The following MLLT1 variants were observed in gnomAD, a reference collection of about 807,000 sequenced individuals.
The protein encoded by MLLT1 is protein ENL.
In MLLT1, 11 loss-of-function variants were observed where a neutral mutation model predicts 55.1. The ratio of observed to expected loss-of-function variants is 0.20; its 90% CI spans 0.13 to 0.33. The LOEUF (loss-of-function observed/expected upper bound fraction) is 0.33. MLLT1 is among the 10% of genes least tolerant of loss of function. MLLT1 has a pLI of 1.00. For missense variants in MLLT1, 536 were observed against 760.6 expected (o/e 0.70, Z 3.47); for synonymous variants, 323 against 320.1 (o/e 1.01, Z -0.10).
Position 6,227,674 on chromosome 19 carries a change from G to T in MLLT1, c.421-572C>A, listed in dbSNP as rs1235390302. ...GCAGACGACCTGTGCCTACTGGGGGGGTCTCTCTGCAAAGCAGGCCCGAGT... is the reference window on the plus strand; with the variant it reads ...GCAGACGACCTGTGCCTACTGGGGGTGTCTCTCTGCAAAGCAGGCCCGAGT... On this transcript the variant is annotated intron_variant, in intron 4 of 11. Coordinates refer to ENST00000252674, the MANE Select transcript of MLLT1 (RefSeq NM_005934.4). The surrounding 1 kb of genome is among the most constrained non-coding windows in gnomAD (Gnocchi z 5.1). Among the ~76,000 whole-genome samples, 1 of 152,180 alleles carries T rather than the reference G, an allele frequency of 6.6e-6. No homozygotes were observed. Among genetic ancestry groups the T allele is most frequent in the African/African-American group, 2.4e-5 (1 of 41,444 alleles).
rs1055469837 is a variant in MLLT1 at position 6,279,524 on chromosome 19, G to T, written c.12+249C>A. On this transcript the variant is annotated intron_variant, in intron 1 of 11. Transcript: ENST00000252674. The stretch of plus-strand genomic sequence containing the variant: ...GGGGGTCTCCGAGCCAGGCTGGGGG[G>T]TCACCAGGGGCGTCCCAAGGGGCTC... 2.0e-5 allele frequency among the ~76,000 whole-genome samples: 3 copies of T among 152,068 alleles called. No individual in the cohort carries two copies. The East Asian group carries it at 5.8e-4, about 30-fold the overall frequency.
chr19:6,241,024 G>C (rs758159326), intron 3 of MLLT1, among the ~76,000 whole-genome samples: 1 of 152,186 alleles, frequency 6.6e-6, no homozygotes, highest in Non-Finnish European at 1.5e-5. Context: ...CCTGTAAAAT[G>C]GCAGTTTGAA....
rs529395413 is a variant in MLLT1, at chr19:6,211,418, T to C, written c.*1624A>G. The C allele has an allele frequency of 6.7e-5, 17 of 255,284 alleles. No homozygotes were observed. Among genetic ancestry groups the C allele is most frequent in the African/African-American group, 2.2e-4 (10 of 45,468 alleles). The allele number at this position is 255,284 out of a possible 1,614,324, so 15.8% of individuals were successfully genotyped here. On this transcript the variant is annotated 3_prime_UTR_variant, in exon 12 of 12. Coordinates refer to ENST00000252674, the MANE Select transcript of MLLT1 (RefSeq NM_005934.4). This position sits in a 1 kb window ranked among gnomAD's most constrained non-coding sequence, Gnocchi z 4.6. ...GGGAGTTTCCCCAGGACAGCTGGCA[T>C]TGGGGGCAGCCTTGGAGGCATGGGT...
chr19:6,270,695 T>A lies in MLLT1; in HGVS notation c.77A>T (p.Glu26Val). The A allele has an allele frequency of 6.2e-7, 1 of 1,614,058 alleles. No homozygotes were observed. Among genetic ancestry groups the A allele is most frequent in the Non-Finnish European group, 8.5e-7 (1 of 1,179,968 alleles). ...CACCATCCAGTCGTGAGTGAACCCCTCCGTGGTGGGCTTCTTGCGCAGTTG... is the reference window on the plus strand; with the variant it reads ...CACCATCCAGTCGTGAGTGAACCCCACCGTGGTGGGCTTCTTGCGCAGTTG... ...RAQLRKKPTT[E>V]GFTHDWMVFV... is the part of the protein sequence containing the mutation. The change falls in exon 2 of 12, where the codon GAG becomes GTG. Residue 26 changes from glutamate (E) to valine (V), a missense_variant. By Grantham distance (121) the Glu-to-Val change is moderately radical. This residue lies in a region of MLLT1 where 62 missense variants were observed against 195.8 expected (regional missense o/e 0.32). Coordinates refer to ENST00000252674, the MANE Select transcript of MLLT1 (RefSeq NM_005934.4). This position sits in a 1 kb window ranked among gnomAD's most constrained non-coding sequence, Gnocchi z 7.1.
rs1392627061 is a variant in MLLT1 at position 6,256,031 on chromosome 19, T to C, written c.276+6197A>G. 4.0e-5 allele frequency among the ~76,000 whole-genome samples: 6 copies of C among 151,744 alleles called. No individual in the cohort carries two copies. The highest frequency in any genetic ancestry group is 1.5e-5 in the Non-Finnish European group (1 of 67,950). ...GTCAGTTCGAGACCAGCCTGGCCAA[T>C]GTGGTGAAACCCCATCTCTACTAAA... On this transcript the variant is annotated intron_variant, in intron 3 of 11. Coordinates refer to ENST00000252674, the MANE Select transcript of MLLT1 (RefSeq NM_005934.4). The surrounding 1 kb of genome is among the most constrained non-coding windows in gnomAD (Gnocchi z 4.1).
intron 3 of MLLT1, among the ~76,000 whole-genome samples, chr19:6,258,246 C>A (rs1209467582): frequency 6.7e-6 from 1 of 149,628 alleles, no homozygotes; most frequent in Non-Finnish European, 1.5e-5. Context: ...ACAGCCCAAA[C>A]GTCTATCCAC....
intron 3 of MLLT1, among the ~76,000 whole-genome samples, chr19:6,236,948 C>T (rs1240999090): frequency 2.0e-5 from 3 of 152,228 alleles, no homozygotes; most frequent in Admixed American, 6.5e-5. Flanking sequence ...GGCCAGGTCG[C>T]GAGCAGCTCC....
At chr19:6,249,626 G>C (rs1192981978) in intron 3 of MLLT1, among the ~76,000 whole-genome samples, 2 of 152,200 alleles carry the variant, frequency 1.3e-5, no homozygotes, top group African/African-American at 4.8e-5. Flanking sequence ...ATCCCCCCTT[G>C]AAGAGCTGGA....
intron 9 of MLLT1, 35 bp downstream of exon 9, chr19:6,213,904 C>T: frequency 2.0e-6 from 3 of 1,488,606 alleles, no homozygotes; most frequent in Non-Finnish European, 2.7e-6. Flanking sequence ...AGCCCGGCCT[C>T]TGGTGCACCC....
Position 6,278,205 on chromosome 19 carries a change from T to C in MLLT1, c.12+1568A>G, listed in dbSNP as rs149234687. On this transcript the variant is annotated intron_variant, in intron 1 of 11. Transcript: ENST00000252674. Reference sequence around the variant, plus strand: ...CCCCACAGCCCCACAACACCTTTCCTGGCCTGGTGCCCCTGAAAGCCAGGG... The same window carrying C: ...CCCCACAGCCCCACAACACCTTTCCCGGCCTGGTGCCCCTGAAAGCCAGGG... 9.2e-3 allele frequency among the ~76,000 whole-genome samples: 1,402 copies of C among 152,258 alleles called. 11 individuals are homozygous for C. The highest frequency in any genetic ancestry group is 0.015 in the Non-Finnish European group (1,038 of 68,012).
At chr19:6,257,147 G>A (rs1176823084) in intron 3 of MLLT1, among the ~76,000 whole-genome samples, 1 of 152,246 alleles carries the variant, frequency 6.6e-6, no homozygotes, top group Non-Finnish European at 1.5e-5. Context: ...TGACACCAAA[G>A]GTGTGAGCGA....
At chr19:6,269,385 C>T (rs1026156928) in intron 2 of MLLT1, among the ~76,000 whole-genome samples, 8 of 152,358 alleles carry the variant, frequency 5.3e-5, no homozygotes, top group South Asian at 2.1e-4. Flanking sequence ...GATTAGGAAG[C>T]GGTTTATAAA....
chr19:6,252,593 A>G (rs2091225945), intron 3 of MLLT1, among the ~76,000 whole-genome samples: 1 of 152,252 alleles, frequency 6.6e-6, no homozygotes, highest in African/African-American at 2.4e-5. Context: ...CAGTGCTCAG[A>G]GCGAAATGTA....
chr19:6,213,274 G>A (rs373494040), intron 11 of MLLT1, 63 bp downstream of exon 11: 165 of 1,606,694 alleles, frequency 1.0e-4, no homozygotes, highest in South Asian at 3.1e-4. Flanking sequence ...AGGGGCCCCC[G>A]CAGCCCACAC....
intron 8 of MLLT1, among the ~76,000 whole-genome samples, chr19:6,215,625 T>C (rs957937210): frequency 2.6e-5 from 4 of 152,136 alleles, no homozygotes; most frequent in African/African-American, 4.8e-5. Flanking sequence ...CCTGCAGGCG[T>C]CTGTGAGGCT....
chr19:6,267,286 T>C (rs1414070719), intron 2 of MLLT1, among the ~76,000 whole-genome samples: 1 of 151,764 alleles, frequency 6.6e-6, no homozygotes, highest in East Asian at 1.9e-4. Context: ...GTATTTTTAG[T>C]AGAGACCGAG....
chr19:6,242,223 CT>C (rs2091121043), intron 3 of MLLT1, among the ~76,000 whole-genome samples: 2 of 152,212 alleles, frequency 1.3e-5, no homozygotes, highest in Non-Finnish European at 2.9e-5. Flanking sequence ...GCCATCTCCA[CT>C]CTACAGAGGG....
Position 6,213,750 on chromosome 19 carries a change from G to A in MLLT1, c.1455C>T (p.Ile485=), listed in dbSNP as rs1156538650. Residue 485 remains isoleucine, a synonymous_variant, in exon 10 of 12, where the codon ATC becomes ATT. Transcript: ENST00000252674. ...SPESCSKPEK[I]LKKGTYDKAY... is the part of the protein sequence containing the mutation. ...CCTTGTCGTAGGTGCCCTTCTTGAG[G>A]ATCTTCTCAGGCTTGCTGCAGGACT... The A allele has an allele frequency of 9.3e-6, 15 of 1,613,172 alleles. No homozygotes were observed. The highest frequency in any genetic ancestry group is 1.2e-5 in the Non-Finnish European group (14 of 1,179,736).
intron 3 of MLLT1, among the ~76,000 whole-genome samples, chr19:6,258,180 A>C (rs559658782): frequency 2.0e-5 from 3 of 152,316 alleles, no homozygotes; most frequent in African/African-American, 7.2e-5. Context: ...AACAAGTACA[A>C]ACACACACTC....
Sources: gnomAD v4.1 joint callset for allele counts (sites outside exome capture counted in the v4.1 genomes callset) on GRCh38, gnomAD v4.1.1 for gene constraint, gnomAD v4.1.1 regional missense constraint, Gnocchi (gnomAD v3.1) non-coding constraint, MANE v1.5 for transcripts, NCBI Gene and HGNC (gene_info 2026-07-23, HGNC 2026-07-21) for gene names.